The following MAP3K15 variants were observed in gnomAD, a reference collection of about 807,000 sequenced individuals.
The protein encoded by MAP3K15 is MAPK/ERK kinase kinase 15.
In MAP3K15, 124 loss-of-function variants were observed where a neutral mutation model predicts 99.5. The ratio of observed to expected loss-of-function variants is 1.25; its 90% CI spans 1.08 to 1.45. The LOEUF (loss-of-function observed/expected upper bound fraction) is 1.45, where lower values mean the gene tolerates loss of function less well. Among genes scored for constraint, MAP3K15 ranks in the 40% most tolerant of loss-of-function variants. The pLI is 0.00. For synonymous variants in MAP3K15, 494 were observed against 439.6 expected (o/e 1.12, Z -1.55); for missense variants, 1,242 against 1,079.7 (o/e 1.15, Z -2.11).
At chrX:19,436,184 A>G (rs2063920755) in intron 6 of MAP3K15, among the ~76,000 whole-genome samples, 1 of 110,011 alleles carries the variant, frequency 9.1e-6, no homozygotes, top group Non-Finnish European at 1.9e-5. Context: ...AAAGAAAAAA[A>G]AAATTCAATC....
In MAP3K15 at chrX:19,360,306, A is replaced by ATGTT. The variant is rs1255603426; in HGVS notation, c.*439_*442dup. The ATGTT allele has an allele frequency of 1.7e-4, 24 of 141,732 alleles. No homozygotes were observed. Among genetic ancestry groups the ATGTT allele is most frequent in the Non-Finnish European group, 2.7e-4 (20 of 72,920 alleles). 11.7% of individuals were successfully genotyped at this position (141,732 alleles called of 1,213,427 possible). On this transcript the variant is annotated 3_prime_UTR_variant, in exon 29 of 29. Transcript: ENST00000338883. Reference sequence around the variant, plus strand: ...GTTCTGAGGCAGTGTCCCAGCTTCCATGTTTGTTAAATACCCCTTGTTTGT... The same window carrying ATGTT: ...GTTCTGAGGCAGTGTCCCAGCTTCCATGTTTGTTTGTTAAATACCCCTTGTTTGT...
intron 1 of MAP3K15, among the ~76,000 whole-genome samples, chrX:19,506,453 A>T (rs773807307): frequency 8.9e-6 from 1 of 112,235 alleles, no homozygotes; most frequent in African/African-American, 3.2e-5. Context: ...CAGCCAGAAA[A>T]GGAGTATCAT....
intron 6 of MAP3K15, among the ~76,000 whole-genome samples, chrX:19,444,479 G>T (rs144752594): frequency 0.02 from 2,227 of 111,510 alleles, 31 homozygotes; most frequent in Non-Finnish European, 0.031. Flanking sequence ...TACCTGCTCA[G>T]AACGATATTC....
intron 6 of MAP3K15, among the ~76,000 whole-genome samples, chrX:19,441,343 G>A (rs956817038): frequency 9.1e-6 from 1 of 109,535 alleles, no homozygotes; most frequent in African/African-American, 3.3e-5. Context: ...TGGGAAGTGG[G>A]GTTAAGTGGT....
At chrX:19,514,819 A>T in intron 1 of MAP3K15, 82 bp downstream of exon 1, 1 of 130,036 alleles carries the variant, frequency 7.7e-6, no homozygotes. Context: ...ACGGGGGAGA[A>T]GGGCGAGGGG....
At chrX:19,422,061 T>A (rs957951127) in intron 9 of MAP3K15, among the ~76,000 whole-genome samples, 4 of 110,467 alleles carry the variant, frequency 3.6e-5, no homozygotes, top group Non-Finnish European at 7.6e-5. Flanking sequence ...ATGTTAGACC[T>A]AAAACCATAA....
rs1209275084 is a variant in MAP3K15 at position 19,420,457 on chromosome X, G to A, written c.1439+5074C>T. On this transcript the variant is annotated intron_variant, in intron 9 of 28. Coordinates refer to ENST00000338883, the MANE Select transcript of MAP3K15 (RefSeq NM_001001671.4). ...TCTAGAAGAAATGGATAAATTCCTC[G>A]ACACATACACCCTCCCAAGACTAAA... Among the ~76,000 whole-genome samples the A allele has an allele frequency of 4.5e-5, 5 of 110,889 alleles. 1 individual carries two copies. The East Asian group carries it at 1.4e-3, about 31-fold the overall frequency.
Position 19,368,690 on chromosome X carries a change from G to A in MAP3K15, c.3566+364C>T, listed in dbSNP as rs543139389. Among the ~76,000 whole-genome samples, 163 of 110,629 alleles carry A rather than the reference G, an allele frequency of 1.5e-3. 3 individuals carry two copies. The South Asian group carries it at 0.062, about 42-fold the overall frequency. On this transcript the variant is annotated intron_variant, in intron 25 of 28. Transcript: ENST00000338883. The stretch of plus-strand genomic sequence containing the variant: ...CCCAAACCCTGCTACTTCTGCAGGG[G>A]CAGGCTGCTGAGCCTGCGAGACCCA...
At chrX:19,390,395 C>T (rs1247450127) in intron 18 of MAP3K15, among the ~76,000 whole-genome samples, 22 of 98,221 alleles carry the variant, frequency 2.2e-4, no homozygotes, top group African/African-American at 7.4e-4. Flanking sequence ...GCAGCCTCAA[C>T]CTCCTGGGCT....
intron 15 of MAP3K15, among the ~76,000 whole-genome samples, chrX:19,397,855 A>G (rs143943400): frequency 0.022 from 2,451 of 110,562 alleles, 84 homozygotes; most frequent in African/African-American, 0.077. Context: ...AGGCGGGCAG[A>G]TCACTTGAGG....
At chrX:19,437,415 C>CT (rs1420106499) in intron 6 of MAP3K15, among the ~76,000 whole-genome samples, 1 of 111,626 alleles carries the variant, frequency 9.0e-6, no homozygotes, top group Admixed American at 9.6e-5. Context: ...AACCTCATCT[C>CT]TTACCACTCC....
At chrX:19,439,734 A>G (rs1223797787) in intron 6 of MAP3K15, among the ~76,000 whole-genome samples, 1 of 112,183 alleles carries the variant, frequency 8.9e-6, no homozygotes, top group East Asian at 2.8e-4. Context: ...CTGCCAAAGT[A>G]CTAGGATTAC....
rs755192127 is a variant in MAP3K15 at position 19,398,283 on chromosome X, C to T, written c.2009G>A (p.Arg670Gln). 3.3e-6 allele frequency: 4 copies of T among 1,211,072 alleles called. No individual in the cohort carries two copies. Among genetic ancestry groups the T allele is most frequent in the Admixed American group, 2.2e-5 (1 of 45,893 alleles). The change falls in exon 15 of 29, where the codon CGA becomes CAA. Residue 670 changes from arginine (R) to glutamine (Q), a missense_variant. Coordinates refer to ENST00000338883, the MANE Select transcript of MAP3K15 (RefSeq NM_001001671.4). Reference sequence around the variant, plus strand: ...TATTCGCACTTGATTGCTCAGATCTCGGCCAGCATACACAATCCCATACGT... The same window carrying T: ...TATTCGCACTTGATTGCTCAGATCTTGGCCAGCATACACAATCCCATACGT... Reference protein sequence around the residue: ...KGTYGIVYAGRDLSNQVRIAI... With the variant: ...KGTYGIVYAGQDLSNQVRIAI...
intron 16 of MAP3K15, 131 bp from the exon 17 acceptor site, chrX:19,392,604 G>A (rs186547252): frequency 1.6e-6 from 1 of 625,638 alleles, no homozygotes; most frequent in East Asian, 3.7e-5. Flanking sequence ...TGGGCTAAAT[G>A]CAACATGTTT....
At chrX:19,380,406 G>A (rs997696002) in intron 18 of MAP3K15, 129 bp from the exon 19 acceptor site, 1 of 640,800 alleles carries the variant, frequency 1.6e-6, no homozygotes, top group African/African-American at 2.3e-5. Context: ...GACCAGCCTG[G>A]ACAATGTAAC....
intron 9 of MAP3K15, among the ~76,000 whole-genome samples, chrX:19,417,759 G>A (rs2063748533): frequency 8.9e-6 from 1 of 112,072 alleles, no homozygotes; most frequent in Non-Finnish European, 1.9e-5. Flanking sequence ...GTGGGTCCCT[G>A]ACCCCCAAGT....
At chrX:19,480,318 A>C (rs2064279521) in intron 3 of MAP3K15, among the ~76,000 whole-genome samples, 1 of 110,788 alleles carries the variant, frequency 9.0e-6, no homozygotes, top group South Asian at 3.8e-4. Context: ...GAGAGGCCCC[A>C]AATGGCCAAA....
intron 4 of MAP3K15, among the ~76,000 whole-genome samples, chrX:19,460,976 CTT>C (rs368738911): frequency 2.1e-5 from 2 of 93,862 alleles, no homozygotes. Context: ...GGTTTCTTTC[CTT>C]TTTTTTTTTT....
intron 9 of MAP3K15, 149 bp downstream of exon 9, chrX:19,425,382 A>G (rs1416550559): frequency 6.1e-6 from 3 of 494,461 alleles, no homozygotes; most frequent in Admixed American, 4.3e-5. Flanking sequence ...CCTTCACATA[A>G]AAGCAAGGGA....
Sources: allele counts gnomAD v4.1 joint callset (sites outside exome capture counted in the v4.1 genomes callset), GRCh38; gene constraint gnomAD v4.1.1; transcripts MANE v1.5; gene names NCBI Gene and HGNC (gene_info 2026-07-23, HGNC 2026-07-21).